The following RB1CC1 variants were observed in gnomAD, a reference collection of about 807,000 sequenced individuals.
RB1CC1 encodes RB1-inducible coiled-coil protein 1.
RB1CC1 carries 46 observed loss-of-function variants against 177.5 expected under a neutral mutation model. The ratio of observed to expected loss-of-function variants is 0.26; its 90% CI spans 0.20 to 0.33. The LOEUF (loss-of-function observed/expected upper bound fraction) is 0.33. Ranked by LOEUF, RB1CC1 falls within the 10% of genes least tolerant of loss-of-function variation. The pLI is 1.00. For missense variants in RB1CC1, 1,703 were observed against 1,816.3 expected (o/e 0.94, Z 1.13); for synonymous variants, 666 against 613.6 (o/e 1.09, Z -1.26).
chr8:52,646,816 TC>T (rs1850089614), intron 15 of RB1CC1, among the ~76,000 whole-genome samples: 1 of 152,152 alleles, frequency 6.6e-6, no homozygotes, highest in Non-Finnish European at 1.5e-5. Flanking sequence ...AATTATAACT[TC>T]TAAGTATTAA....
chr8:52,680,527 G>C (rs1003373733), intron 5 of RB1CC1, among the ~76,000 whole-genome samples: 1 of 152,156 alleles, frequency 6.6e-6, no homozygotes, highest in Admixed American at 6.5e-5. Context: ...AAGTAGAAGA[G>C]AAGACAGATT....
rs34016926 is a variant in RB1CC1, at chr8:52,657,706, G to A, written c.2123C>T (p.Pro708Leu). Residue 708 changes from proline (P) to leucine (L), a missense_variant, in exon 15 of 24, where the codon CCA (proline) becomes CTA (leucine). Pro to Leu is a moderately conservative substitution (Grantham distance 98). This residue lies in a region of RB1CC1 where 1,169 missense variants were observed against 1,184.7 expected (regional missense o/e 0.99). Coordinates refer to ENST00000025008, the MANE Select transcript of RB1CC1 (RefSeq NM_014781.5). The part of the protein sequence containing the change: ...HTFDFETIPH[P>L]NIEQTIHQVS... Reference sequence around the variant, plus strand: ...TTGGTGAATAGTCTGTTCTATGTTTGGATGGGGAATAGTTTCAAAATCAAA... The same window carrying A: ...TTGGTGAATAGTCTGTTCTATGTTTAGATGGGGAATAGTTTCAAAATCAAA... The A allele has an allele frequency of 6.8e-6, 11 of 1,614,016 alleles. No homozygotes were observed. In the East Asian group the frequency reaches 1.1e-4, roughly 16 times the overall value.
chr8:52,624,872 TA>T, intron 22 of RB1CC1, 85 bp from the exon 23 acceptor site: 1 of 1,028,318 alleles, frequency 9.7e-7, no homozygotes, highest in Non-Finnish European at 1.4e-6. Flanking sequence ...TAAAACAGAC[TA>T]AAAAAGCTCT....
In RB1CC1 at chr8:52,699,858, T is replaced by TATATATATATATATAC. The variant is rs756226534; in HGVS notation, c.-166-12892_-166-12891insGTATATATATATATAT. ...ATATATATATATATATATATATATA[T>TATATATATATATATAC]ACACACAAAAACAAAAGAAAGCTTA... On this transcript the variant is annotated intron_variant, in intron 1 of 23. Coordinates refer to ENST00000025008, the MANE Select transcript of RB1CC1 (RefSeq NM_014781.5). 4.0e-4 allele frequency among the ~76,000 whole-genome samples: 41 copies of TATATATATATATATAC among 102,734 alleles called. No homozygotes were observed. The East Asian group carries it at 5.1e-3, about 13-fold the overall frequency. 67.4% of individuals were successfully genotyped at this position (102,734 alleles called of 152,430 possible).
At chr8:52,705,098 C>T (rs910328800) in intron 1 of RB1CC1, among the ~76,000 whole-genome samples, 7 of 152,092 alleles carry the variant, frequency 4.6e-5, no homozygotes, top group East Asian at 1.9e-4. Context: ...ACTGAGACTT[C>T]GTAGGACAGA....
intron 15 of RB1CC1, among the ~76,000 whole-genome samples, chr8:52,651,953 G>A (rs1432518489): frequency 6.6e-6 from 1 of 152,142 alleles, no homozygotes; most frequent in African/African-American, 2.4e-5. Flanking sequence ...AAAAACTAAT[G>A]TTCAGAAATT....
chr8:52,665,011 G>A (rs936337874), intron 8 of RB1CC1, among the ~76,000 whole-genome samples: 4 of 152,080 alleles, frequency 2.6e-5, no homozygotes, highest in Admixed American at 1.3e-4. Context: ...GAGAAAAATC[G>A]AGTGTCTAAG....
At chr8:52,674,712 G>C (rs1246864551) in intron 6 of RB1CC1, among the ~76,000 whole-genome samples, 1 of 151,072 alleles carries the variant, frequency 6.6e-6, no homozygotes, top group Admixed American at 6.6e-5. Flanking sequence ...AGGCTGCAGT[G>C]AGCTGAGATG....
At chr8:52,676,607 A>C (rs1563424874) in intron 5 of RB1CC1, 36 bp from the exon 6 acceptor site, 4 of 1,561,684 alleles carry the variant, frequency 2.6e-6, no homozygotes, top group East Asian at 2.2e-5. Flanking sequence ...AAGTAAAAGA[A>C]GGCAATGGTT....
chr8:52,640,996 C>T (rs1051577419), intron 18 of RB1CC1, among the ~76,000 whole-genome samples: 1 of 152,120 alleles, frequency 6.6e-6, no homozygotes, highest in Non-Finnish European at 1.5e-5. Context: ...ATGCAACTAA[C>T]TGCGTTCCTC....
intron 1 of RB1CC1, among the ~76,000 whole-genome samples, chr8:52,713,630 AC>A (rs765049890): frequency 6.6e-6 from 1 of 152,290 alleles, no homozygotes; most frequent in South Asian, 2.1e-4. Context: ...CGAGTCCAAC[AC>A]AGAATTAAGG....
chr8:52,649,484 T>C (rs935575281), intron 15 of RB1CC1, among the ~76,000 whole-genome samples: 9 of 152,150 alleles, frequency 5.9e-5, no homozygotes, highest in Non-Finnish European at 1.2e-4. Flanking sequence ...CTCTTAACAC[T>C]GACTGAATTA....
chr8:52,679,144 A>G (rs1042152426), intron 5 of RB1CC1, among the ~76,000 whole-genome samples: 2 of 152,204 alleles, frequency 1.3e-5, no homozygotes, highest in African/African-American at 2.4e-5. Flanking sequence ...CACTAAGCCA[A>G]TGGAAAAATC....
Position 52,685,491 on chromosome 8 carries a change from G to A in RB1CC1, c.-22C>T, listed in dbSNP as rs1326573609. On this transcript the variant is annotated 5_prime_UTR_variant, in exon 3 of 24. Transcript: ENST00000025008. Reference sequence around the variant, plus strand: ...TCATGATGATTTATCTGAATTCTGTGAGCTTATACCTCACCCTCTGATACA... The same window carrying A: ...TCATGATGATTTATCTGAATTCTGTAAGCTTATACCTCACCCTCTGATACA... 1 of 1,468,872 alleles carries A rather than the reference G, an allele frequency of 6.8e-7. No homozygotes were observed. The highest frequency in any genetic ancestry group is 1.2e-5 in the South Asian group (1 of 86,456). The allele number at this position is 1,468,872 out of a possible 1,614,324, so 91.0% of individuals were successfully genotyped here.
chr8:52,710,471 AAT>A (rs756560323), intron 1 of RB1CC1, among the ~76,000 whole-genome samples: 1 of 152,198 alleles, frequency 6.6e-6, no homozygotes, highest in Non-Finnish European at 1.5e-5. Flanking sequence ...GTGTACAGGA[AAT>A]ATGTGTATAT....
intron 3 of RB1CC1, among the ~76,000 whole-genome samples, chr8:52,684,227 C>T (rs186671770): frequency 1.2e-4 from 19 of 152,224 alleles, no homozygotes; most frequent in Non-Finnish European, 2.2e-4. Context: ...AGAATATGCT[C>T]AAACTGGTTA....
chr8:52,645,752 T>G lies in RB1CC1; in HGVS notation c.3937A>C (p.Lys1313Gln). The G allele has an allele frequency of 6.2e-7, 1 of 1,612,982 alleles. No individual in the cohort carries two copies. Among genetic ancestry groups the G allele is most frequent in the Non-Finnish European group, 8.5e-7 (1 of 1,179,614 alleles). ...LEQLEEQEKR[K>Q]NEEMQNVRTS... ...CGAACATTTTGCATTTCTTCATTCT[T>G]TCTTTTTTCTTGCTCTTCAAGTTGT... Residue 1313 changes from lysine to glutamine, a missense_variant, in exon 16 of 24, where the codon AAG becomes CAG. By Grantham distance (53) the Lys-to-Gln change is moderately conservative (BLOSUM62 1). Transcript: ENST00000025008.
chr8:52,682,398 T>G (rs985209873), intron 5 of RB1CC1, among the ~76,000 whole-genome samples: 2 of 152,182 alleles, frequency 1.3e-5, no homozygotes, highest in Non-Finnish European at 2.9e-5. Context: ...ATCAGCAGCA[T>G]GAAAACAGAC....
chr8:52,631,518 G>A (rs1194931268), intron 20 of RB1CC1, among the ~76,000 whole-genome samples: 2 of 152,168 alleles, frequency 1.3e-5, no homozygotes, highest in Non-Finnish European at 2.9e-5. Flanking sequence ...TGTGGTTACA[G>A]GTCTCTTTCA....
Sources: allele counts gnomAD v4.1 joint callset (sites outside exome capture counted in the v4.1 genomes callset), GRCh38; gene constraint gnomAD v4.1.1; regional missense constraint gnomAD v4.1.1; transcripts MANE v1.5; gene names NCBI Gene and HGNC (gene_info 2026-07-23, HGNC 2026-07-21).